Variants in SREK1 observed in about 807,000 individuals in gnomAD.
SREK1 encodes the protein splicing regulatory glutamine/lysine-rich protein 1.
Under a neutral mutation model 66.5 loss-of-function variants are expected in SREK1, and 13 were observed. The observed-to-expected ratio is 0.20, with a 90% confidence interval of 0.13 to 0.31. The LOEUF is 0.31. Ranked by LOEUF, SREK1 falls within the 10% of genes least tolerant of loss-of-function variation. The pLI, the probability that SREK1 is intolerant of heterozygous loss-of-function variation, is 1.00. For synonymous variants in SREK1, 265 were observed against 263.5 expected, an observed-to-expected ratio of 1.01 and a Z score of -0.05; for missense variants, 607 against 769.6, an observed-to-expected ratio of 0.79 and a Z score of 2.50.
Position 66,161,911 on chromosome 5 carries a change from A to G in SREK1, c.412-198A>G, listed in dbSNP as rs527359712. ...AAGTGGCTAAAATATCCAGACAGTA[A>G]AATATATTTCAAATTACATTTAAAA... On this transcript the variant is annotated intron_variant, in intron 3 of 11. Coordinates refer to ENST00000334121, the MANE Select transcript of SREK1 (RefSeq NM_001077199.3). Among the ~76,000 whole-genome samples, 10 of 152,336 alleles carry G rather than the reference A, an allele frequency of 6.6e-5. No homozygotes were observed. The South Asian group carries it at 2.1e-3, about 32-fold the overall frequency.
At chr5:66,164,755 A>T in intron 6 of SREK1, 28 bp from the exon 7 acceptor site, 1 of 1,613,798 alleles carries the variant, frequency 6.2e-7, no homozygotes, top group Non-Finnish European at 8.5e-7. Flanking sequence ...TTCTGAGCTT[A>T]CACTGCAAAG....
chr5:66,156,803 G>A, intron 2 of SREK1: 2 of 985,380 alleles, frequency 2.0e-6, no homozygotes, highest in Non-Finnish European at 2.4e-6. Flanking sequence ...GGATATTTGA[G>A]AAACTTAAGT....
intron 1 of SREK1, 163 bp downstream of exon 1, chr5:66,144,700 C>T (rs1742999347): frequency 7.5e-7 from 1 of 1,331,600 alleles, no homozygotes; most frequent in African/African-American, 1.5e-5. Context: ...GTTCCGCCGT[C>T]CTGCTCTCCT....
chr5:66,156,294 A>G, intron 2 of SREK1: 2 of 1,309,968 alleles, frequency 1.5e-6, no homozygotes, highest in Non-Finnish European at 1.9e-6. Flanking sequence ...GTTTTGTTAA[A>G]TCTCTTTCAC....
chr5:66,169,974 T>G, intron 7 of SREK1, 77 bp from the exon 8 acceptor site: 2 of 1,222,864 alleles, frequency 1.6e-6, no homozygotes, highest in Non-Finnish European at 2.2e-6. Flanking sequence ...TTAAATACTG[T>G]TAGGATAGAT....
At chr5:66,152,081 G>A (rs1385522295) in intron 1 of SREK1, among the ~76,000 whole-genome samples, 2 of 152,010 alleles carry the variant, frequency 1.3e-5, no homozygotes, top group Non-Finnish European at 2.9e-5. Flanking sequence ...TCCTGACCTC[G>A]TGATCCGCCC....
At chr5:66,165,012 T>A (rs559268712) in intron 7 of SREK1, 115 bp downstream of exon 7, 3 of 922,386 alleles carry the variant, frequency 3.3e-6, no homozygotes, top group South Asian at 3.9e-5. Context: ...AGTGTACACC[T>A]GAAGTGTGGT....
intron 7 of SREK1, 101 bp downstream of exon 7, chr5:66,164,998 T>C (rs922977525): frequency 1.7e-6 from 2 of 1,145,486 alleles, no homozygotes; most frequent in Admixed American, 2.6e-5. Flanking sequence ...TTAGAAATTT[T>C]AGTAGTGTAC....
At chr5:66,176,678 T>C (rs1262520012) in intron 10 of SREK1, among the ~76,000 whole-genome samples, 1 of 152,108 alleles carries the variant, frequency 6.6e-6, no homozygotes, top group African/African-American at 2.4e-5. Flanking sequence ...TCAGAAATAT[T>C]TCATCGTTTG....
chr5:66,173,577 A>G (rs1437265631), intron 9 of SREK1, among the ~76,000 whole-genome samples: 2 of 152,122 alleles, frequency 1.3e-5, no homozygotes, highest in African/African-American at 4.8e-5. Context: ...TGTTAATACA[A>G]TTTCTTTCTC....
chr5:66,164,751 G>C (rs1276233266), intron 6 of SREK1, 32 bp from the exon 7 acceptor site: 1 of 1,613,530 alleles, frequency 6.2e-7, no homozygotes, highest in African/African-American at 1.3e-5. Flanking sequence ...ATTGTTCTGA[G>C]CTTACACTGC....
intron 7 of SREK1, chr5:66,166,136 A>T (rs1353747916): frequency 6.6e-6 from 1 of 152,314 alleles, no homozygotes; most frequent in Admixed American, 6.5e-5. Context: ...TCAGGAAAGG[A>T]CAGTGGAACA....
At chr5:66,149,392 A>T (rs1743565970) in intron 1 of SREK1, among the ~76,000 whole-genome samples, 1 of 152,114 alleles carries the variant, frequency 6.6e-6, no homozygotes, top group African/African-American at 2.4e-5. Flanking sequence ...TGCTTAAATC[A>T]GTGGAGTAGC....
rs904135539 is a variant in SREK1, at chr5:66,182,135, CAATT to C, written c.*3270_*3273del. ...CATGATTTAATTATTGTTGAATTAA[CAATT>C]AAAATGAATCCCTTTGGAGGGATGG... is the stretch of plus-strand genomic sequence containing the variant. On this transcript the variant is annotated 3_prime_UTR_variant, in exon 12 of 12. Transcript: ENST00000334121. The C allele has an allele frequency of 1.3e-5, 2 of 151,908 alleles. No individual in the cohort carries two copies. Among genetic ancestry groups the C allele is most frequent in the African/African-American group, 4.8e-5 (2 of 41,438 alleles). The allele number at this position is 151,908 out of a possible 1,614,324, so 9.4% of individuals were successfully genotyped here.
At chr5:66,151,167 G>A (rs899792593) in intron 1 of SREK1, among the ~76,000 whole-genome samples, 1 of 152,072 alleles carries the variant, frequency 6.6e-6, no homozygotes, top group Non-Finnish European at 1.5e-5. Context: ...GACTAAATTC[G>A]TGGGGGTGGG....
At position 66,179,950 on chromosome 5, in the gene SREK1, A is replaced by G. The variant is rs1746374134; in HGVS notation, c.*1082A>G. ...TGTTTTCAAGAATGACATTAGAGTC[A>G]TGCAGCTTTGGGACCATCAGTTTTA... On this transcript the variant is annotated 3_prime_UTR_variant, in exon 12 of 12. Coordinates refer to ENST00000334121, the MANE Select transcript of SREK1 (RefSeq NM_001077199.3). 1 of 152,600 alleles carries G rather than the reference A, an allele frequency of 6.6e-6. No individual in the cohort carries two copies. Among genetic ancestry groups the G allele is most frequent in the Non-Finnish European group, 1.5e-5 (1 of 67,998 alleles). 9.5% of individuals were successfully genotyped at this position (152,600 alleles called of 1,614,324 possible).
chr5:66,175,669 T>C (rs974430848), intron 10 of SREK1, among the ~76,000 whole-genome samples: 5 of 152,200 alleles, frequency 3.3e-5, no homozygotes, highest in African/African-American at 1.2e-4. Flanking sequence ...CTAATTATCC[T>C]CTATAAGAGT....
In SREK1 at chr5:66,172,932, C is replaced by T. The variant is rs1020395205; in HGVS notation, c.1484+1985C>T. ...TGCAACCTCTGCCTCCTGGGTTCAG[C>T]GATTCTCCTGCCTTAGCTTCCTGAG... On this transcript the variant is annotated intron_variant, in intron 9 of 11. Transcript: ENST00000334121. Among the ~76,000 whole-genome samples the T allele has an allele frequency of 5.4e-5, 8 of 149,078 alleles. No homozygotes were observed. In the East Asian group the frequency reaches 6.0e-4, roughly 11 times the overall value.
intron 2 of SREK1, chr5:66,158,770 GTTC>G: frequency 8.0e-7 from 1 of 1,253,320 alleles, no homozygotes; most frequent in Non-Finnish European, 1.0e-6. Flanking sequence ...TTTAAAAAAT[GTTC>G]TTCTTTTCTG....
Sources: gnomAD v4.1 joint callset for allele counts (sites outside exome capture counted in the v4.1 genomes callset) on GRCh38, gnomAD v4.1.1 for gene constraint, MANE v1.5 for transcripts, NCBI Gene and HGNC (gene_info 2026-07-23, HGNC 2026-07-21) for gene names.